CD47: variants seen among roughly 807,000 people sequenced by gnomAD.
The protein encoded by CD47 is leukocyte surface antigen CD47.
In CD47, 11 loss-of-function variants were observed where a neutral mutation model predicts 44.6. That is an observed-to-expected ratio of 0.25 (90% CI 0.16 to 0.41). CD47 has a LOEUF of 0.41. Among genes scored for constraint, CD47 ranks in the 10% least tolerant of loss-of-function variants. The pLI is 1.00. For missense variants in CD47, 306 were observed against 386.7 expected, an observed-to-expected ratio of 0.79 and a Z score of 1.75; for synonymous variants, 140 against 136.3, an observed-to-expected ratio of 1.03 and a Z score of -0.19.
At chr3:108,079,601 A>G (rs2079378389) in intron 2 of CD47, among the ~76,000 whole-genome samples, 1 of 150,302 alleles carries the variant, frequency 6.7e-6, no homozygotes, top group Non-Finnish European at 1.5e-5. Context: ...AAAAACACAA[A>G]AAACAGAAGG....
At chr3:108,074,139 TA>T (rs1214481111) in intron 2 of CD47, among the ~76,000 whole-genome samples, 28 of 152,122 alleles carry the variant, frequency 1.8e-4, no homozygotes, top group Non-Finnish European at 3.1e-4. Context: ...AAGCTTTCAG[TA>T]AAAAATCTGA....
rs1374723550 is a variant in CD47 at position 108,090,893 on chromosome 3, C to G, written c.16G>C (p.Ala6Pro). Reference sequence around the variant, plus strand: ...CACGCCGAGCCCAGCAACAGCGCCGCTACCAGGGGCCACATCTCCGCGCCC... The same window carrying G: ...CACGCCGAGCCCAGCAACAGCGCCGGTACCAGGGGCCACATCTCCGCGCCC... MWPLV[A>P]ALLLGSACCG... Residue 6 changes from alanine (A) to proline (P), a missense_variant, in exon 1 of 11, where the codon GCG (alanine) becomes CCG (proline). Ala to Pro is a conservative substitution (Grantham distance 27). Transcript: ENST00000361309. 6 of 1,490,078 alleles carry G rather than the reference C, an allele frequency of 4.0e-6. No individual in the cohort carries two copies. The highest frequency in any genetic ancestry group is 8.9e-7 in the Non-Finnish European group (1 of 1,125,754). 92.3% of individuals were successfully genotyped at this position (1,490,078 alleles called of 1,614,324 possible).
intron 1 of CD47, among the ~76,000 whole-genome samples, chr3:108,086,199 G>T (rs1303082409): frequency 6.6e-6 from 1 of 152,006 alleles, no homozygotes; most frequent in Non-Finnish European, 1.5e-5. Flanking sequence ...TGAATGTCAT[G>T]CTGAGTTTAG....
chr3:108,088,210 A>G (rs2079558112), intron 1 of CD47, among the ~76,000 whole-genome samples: 1 of 152,242 alleles, frequency 6.6e-6, no homozygotes, highest in Admixed American at 6.5e-5. Flanking sequence ...AGCTGAATTC[A>G]TACTATGAAA....
chr3:108,046,889 T>A lies in CD47; in HGVS notation c.*399A>T, dbSNP rs1409848569. On this transcript the variant is annotated 3_prime_UTR_variant, in exon 11 of 11. Transcript: ENST00000361309. ...GTTTGATGGAAGCCACTGGTTTTCATAGATATCTCTGGGTAATCACCAGGG... is the reference window on the plus strand; with the variant it reads ...GTTTGATGGAAGCCACTGGTTTTCAAAGATATCTCTGGGTAATCACCAGGG... 1 of 166,516 alleles carries A rather than the reference T, an allele frequency of 6.0e-6. No homozygotes were observed. Among genetic ancestry groups the A allele is most frequent in the Admixed American group, 6.4e-5 (1 of 15,706 alleles). The allele number at this position is 166,516 out of a possible 1,614,324, so 10.3% of individuals were successfully genotyped here. A position where few individuals can be genotyped will look rare whatever the true frequency, so the allele number is the denominator to read the frequency against.
At chr3:108,055,131 C>T (rs1174491896) in intron 7 of CD47, among the ~76,000 whole-genome samples, 1 of 151,846 alleles carries the variant, frequency 6.6e-6, no homozygotes, top group African/African-American at 2.4e-5. Context: ...GTCACTTTCA[C>T]AGAAAGTTGT....
At position 108,059,531 on chromosome 3, in the gene CD47, T is replaced by A; in HGVS notation, c.612A>T (p.Leu204Phe). ...AILFVPGEYSLKNATGLGLIV... is the reference protein window; with the variant it reads ...AILFVPGEYSFKNATGLGLIV... ...TTAAACCAAGGCCAGTAGCATTCTT[T>A]AATGAATATTCACCTGTCAATAAAT... The change falls in exon 5 of 11, where the codon TTA becomes TTT. Residue 204 changes from leucine (L) to phenylalanine (F), a missense_variant. Physicochemically the swap from Leu to Phe is conservative, Grantham distance 22. Around this residue, in one of 5 missense-constraint regions of CD47, gnomAD observed 65 missense variants for 119.9 expected, o/e 0.54. Transcript: ENST00000361309. 6.8e-7 allele frequency: 1 copy of A among 1,463,296 alleles called. No individual in the cohort carries two copies. The highest frequency in any genetic ancestry group is 2.5e-5 in the East Asian group (1 of 40,346). The allele number at this position is 1,463,296 out of a possible 1,614,324, so 90.6% of individuals were successfully genotyped here.
intron 6 of CD47, 31 bp downstream of exon 6, chr3:108,058,306 C>G: frequency 1.5e-6 from 2 of 1,311,996 alleles, no homozygotes; most frequent in South Asian, 2.7e-5. Flanking sequence ...AAAAGTAACC[C>G]AAATTAGGTC....
rs974612151 is a variant in CD47, at chr3:108,091,020, T to C, written c.-112A>G. 5 of 633,606 alleles carry C rather than the reference T, an allele frequency of 7.9e-6. No individual in the cohort carries two copies. Among genetic ancestry groups the C allele is most frequent in the African/African-American group, 5.8e-5 (3 of 51,598 alleles). The allele number at this position is 633,606 out of a possible 1,614,324, so 39.2% of individuals were successfully genotyped here. On this transcript the variant is annotated 5_prime_UTR_variant, in exon 1 of 11. Transcript: ENST00000361309. ...GCCGCGCGTCACAGGCAGGACCCAC[T>C]GCCCAGGCTGCACGGCCGCGCGCAC...
intron 3 of CD47, among the ~76,000 whole-genome samples, chr3:108,063,001 T>A (rs2079042812): frequency 6.6e-6 from 1 of 152,042 alleles, no homozygotes; most frequent in South Asian, 2.1e-4. Context: ...TCATATAAAA[T>A]TTATCCTCTT....
chr3:108,077,009 T>G lies in CD47; in HGVS notation c.400+2982A>C, dbSNP rs550944487. 2.6e-5 allele frequency among the ~76,000 whole-genome samples: 4 copies of G among 152,322 alleles called. No individual in the cohort carries two copies. In the South Asian group the frequency reaches 8.3e-4, roughly 32 times the overall value. On this transcript the variant is annotated intron_variant, in intron 2 of 10. Transcript: ENST00000361309. ...ATTTCAAGTCCAGTGCTCCTTCTAATGGACTATATCATACATAGGCACAGA... is the reference window on the plus strand; with the variant it reads ...ATTTCAAGTCCAGTGCTCCTTCTAAGGGACTATATCATACATAGGCACAGA...
Position 108,071,187 on chromosome 3 carries a change from G to C in CD47, c.401-5C>G. 3 of 1,354,746 alleles carry C rather than the reference G, an allele frequency of 2.2e-6. No individual in the cohort carries two copies. Among genetic ancestry groups the C allele is most frequent in the Non-Finnish European group, 3.1e-6 (3 of 977,552 alleles). The allele number at this position is 1,354,746 out of a possible 1,614,324, so 83.9% of individuals were successfully genotyped here. On this transcript the variant is annotated splice_polypyrimidine_tract_variant and splice_region_variant and intron_variant, in intron 2 of 10. Transcript: ENST00000361309. ...CATTTGGAGAAAACCATGAAACTGG[G>C]GAAGAAGAAAACAAAAGTCACAATT... is the stretch of plus-strand genomic sequence containing the variant.
At chr3:108,049,511 G>T in intron 10 of CD47, 108 bp downstream of exon 10, 3 of 737,034 alleles carry the variant, frequency 4.1e-6, no homozygotes, top group South Asian at 1.5e-5. Context: ...TTTATCATCT[G>T]ACAGTGTCCC....
intron 1 of CD47, among the ~76,000 whole-genome samples, chr3:108,080,901 T>C (rs978672133): frequency 6.6e-6 from 1 of 151,852 alleles, no homozygotes; most frequent in Non-Finnish European, 1.5e-5. Context: ...AAATCATATC[T>C]TTCCACTAGG....
intron 3 of CD47, among the ~76,000 whole-genome samples, chr3:108,068,263 A>T (rs1194660492): frequency 3.9e-5 from 6 of 152,180 alleles, no homozygotes; most frequent in Admixed American, 3.9e-4. Flanking sequence ...TTAGATTTGG[A>T]TCCATGACTA....
chr3:108,085,430 G>T (rs1335317253), intron 1 of CD47, among the ~76,000 whole-genome samples: 2 of 152,056 alleles, frequency 1.3e-5, no homozygotes, highest in Non-Finnish European at 2.9e-5. Flanking sequence ...ATATTGTTAA[G>T]ATTTAATAAG....
intron 7 of CD47, chr3:108,054,208 C>A (rs1187554843): frequency 1.3e-5 from 2 of 152,170 alleles, no homozygotes; most frequent in Non-Finnish European, 2.9e-5. Context: ...CATAATGAGA[C>A]CCTGTCTCTA....
At chr3:108,060,494 T>G (rs992442106) in intron 4 of CD47, among the ~76,000 whole-genome samples, 2 of 152,218 alleles carry the variant, frequency 1.3e-5, no homozygotes, top group Non-Finnish European at 2.9e-5. Flanking sequence ...ACTGTCATTC[T>G]TCAGCAAATT....
intron 3 of CD47, among the ~76,000 whole-genome samples, chr3:108,064,530 AT>A (rs2079071474): frequency 6.6e-6 from 1 of 152,186 alleles, no homozygotes; most frequent in African/African-American, 2.4e-5. Context: ...ATGAAATCTA[AT>A]GAAATTACCA....
Sources: allele counts gnomAD v4.1 joint callset (sites outside exome capture counted in the v4.1 genomes callset), GRCh38; gene constraint gnomAD v4.1.1; regional missense constraint gnomAD v4.1.1; transcripts MANE v1.5; gene names NCBI Gene and HGNC (gene_info 2026-07-23, HGNC 2026-07-21).